The following ARHGAP31 variants were observed in gnomAD, a reference collection of about 807,000 sequenced individuals.
ARHGAP31 encodes the protein Rho GTPase activating protein 31, also known as rho GTPase-activating protein 31.
ARHGAP31 carries 34 observed loss-of-function variants against 113.9 expected under a neutral mutation model. That is an observed-to-expected ratio of 0.30 (90% confidence interval 0.23 to 0.40). The LOEUF is 0.40. Among genes scored for constraint, ARHGAP31 ranks in the 10% least tolerant of loss-of-function variants. The pLI, the probability that ARHGAP31 is intolerant of heterozygous loss-of-function variation, is 1.00. For missense variants in ARHGAP31, 1,548 were observed against 1,767.1 expected (o/e 0.88, Z 2.22); for synonymous variants, 650 against 684.8 (o/e 0.95, Z 0.79).
At chr3:119,368,870 C>G (rs2080272130) in intron 3 of ARHGAP31, among the ~76,000 whole-genome samples, 1 of 152,192 alleles carries the variant, frequency 6.6e-6, no homozygotes, top group South Asian at 2.1e-4. Flanking sequence ...TGAGACTCCT[C>G]ATGCTACACC....
chr3:119,415,808 C>T lies in ARHGAP31; in HGVS notation c.3879C>T (p.Gly1293=), dbSNP rs1170193580. The T allele has an allele frequency of 1.9e-6, 3 of 1,614,266 alleles. No homozygotes were observed. The highest frequency in any genetic ancestry group is 2.2e-5 in the East Asian group (1 of 44,892). ...CEGPTLSPEP[G]SSNLLSTQDA... is the part of the protein sequence containing the mutation. Reference sequence around the variant, plus strand: ...GACCTACCCTTTCTCCAGAACCAGGCTCGTCTAACCTGCTCTCCACCCAGG... The same window carrying T: ...GACCTACCCTTTCTCCAGAACCAGGTTCGTCTAACCTGCTCTCCACCCAGG... Residue 1293 remains glycine, a synonymous_variant, in exon 12 of 12, where the codon GGC becomes GGT. Transcript: ENST00000264245.
intron 1 of ARHGAP31, among the ~76,000 whole-genome samples, chr3:119,337,031 CCA>C (rs1182871364): frequency 6.6e-6 from 1 of 152,172 alleles, no homozygotes; most frequent in Non-Finnish European, 1.5e-5. Context: ...TATGGATATA[CCA>C]CAGTTTATCC....
intron 1 of ARHGAP31, among the ~76,000 whole-genome samples, chr3:119,323,846 C>T (rs1004762629): frequency 6.6e-6 from 1 of 152,214 alleles, no homozygotes; most frequent in Non-Finnish European, 1.5e-5. Flanking sequence ...TTTTGTCCTT[C>T]CCTCCTCGCA....
chr3:119,417,968 T>G lies in ARHGAP31; in HGVS notation c.*1704T>G, dbSNP rs2080792640. On this transcript the variant is annotated 3_prime_UTR_variant, in exon 12 of 12. Coordinates refer to ENST00000264245, the MANE Select transcript of ARHGAP31 (RefSeq NM_020754.4). ...GGGCTTAGTGGGGGCTGAGATGAAG[T>G]TACCTCCTCCAATGAGAAATTGGGA... is the stretch of plus-strand genomic sequence containing the variant. The G allele has an allele frequency of 6.6e-6, 1 of 152,052 alleles. No homozygotes were observed. Among genetic ancestry groups the G allele is most frequent in the Non-Finnish European group, 1.5e-5 (1 of 68,066 alleles). The allele number at this position is 152,052 out of a possible 1,614,324, so 9.4% of individuals were successfully genotyped here.
Position 119,414,195 on chromosome 3 carries a change from G to C in ARHGAP31, c.2266G>C (p.Glu756Gln), listed in dbSNP as rs767047698. 4 of 1,614,016 alleles carry C rather than the reference G, an allele frequency of 2.5e-6. No individual in the cohort carries two copies. Among genetic ancestry groups the C allele is most frequent in the Non-Finnish European group, 3.4e-6 (4 of 1,180,026 alleles). ...HPDLASLAPL[E>Q]IVPFEKASPQ... ...AGACCTCGCCAGCCTGGCTCCTCTG[G>C]AAATAGTTCCTTTTGAGAAGGCATC... Residue 756 changes from glutamate to glutamine, a missense_variant, in exon 12 of 12, where the codon GAA (glutamate) becomes CAA (glutamine). Coordinates refer to ENST00000264245, the MANE Select transcript of ARHGAP31 (RefSeq NM_020754.4).
chr3:119,339,618 A>G (rs1242679329), intron 1 of ARHGAP31, among the ~76,000 whole-genome samples: 1 of 152,164 alleles, frequency 6.6e-6, no homozygotes, highest in Non-Finnish European at 1.5e-5. Flanking sequence ...CTCCGACCCC[A>G]CACAAGTACA....
chr3:119,326,438 T>C (rs1438793002), intron 1 of ARHGAP31, among the ~76,000 whole-genome samples: 1 of 152,082 alleles, frequency 6.6e-6, no homozygotes, highest in Non-Finnish European at 1.5e-5. Context: ...AGAACAAGTC[T>C]GGGTGGGCTT....
Position 119,416,295 on chromosome 3 carries a change from A to G in ARHGAP31, c.*31A>G. 1 of 1,610,192 alleles carries G rather than the reference A, an allele frequency of 6.2e-7. No individual in the cohort carries two copies. ...GTTCACCTGCTGGTGTCTGAAAAAAACCGTGATTCATCTGGAAGTTATTAC... is the reference window on the plus strand; with the variant it reads ...GTTCACCTGCTGGTGTCTGAAAAAAGCCGTGATTCATCTGGAAGTTATTAC... On this transcript the variant is annotated 3_prime_UTR_variant, in exon 12 of 12. Transcript: ENST00000264245.
chr3:119,395,673 CTG>C (rs2080544886), intron 8 of ARHGAP31, among the ~76,000 whole-genome samples: 1 of 152,180 alleles, frequency 6.6e-6, no homozygotes, highest in Non-Finnish European at 1.5e-5. Flanking sequence ...GGTTCGGTCC[CTG>C]TTGTCAATGG....
Position 119,340,169 on chromosome 3 carries a change from TTCA to T in ARHGAP31, c.101-25137_101-25135del, listed in dbSNP as rs1452031220. On this transcript the variant is annotated intron_variant, in intron 1 of 11. Coordinates refer to ENST00000264245, the MANE Select transcript of ARHGAP31 (RefSeq NM_020754.4). ...CAAATGGTAAGCACACAAAAAGATG[TTCA>T]TCATCATCAGCCACTAGGGAAATGC... Among the ~76,000 whole-genome samples the T allele has an allele frequency of 2.6e-5, 4 of 152,312 alleles. No individual in the cohort carries two copies. In the South Asian group the frequency reaches 6.2e-4, roughly 24 times the overall value.
At chr3:119,336,169 T>C (rs2079944816) in intron 1 of ARHGAP31, among the ~76,000 whole-genome samples, 1 of 152,156 alleles carries the variant, frequency 6.6e-6, no homozygotes, top group Non-Finnish European at 1.5e-5. Context: ...GAGTGAAACT[T>C]GGTCTCAAAA....
intron 1 of ARHGAP31, among the ~76,000 whole-genome samples, chr3:119,350,232 G>T (rs2080099147): frequency 6.6e-6 from 1 of 151,966 alleles, no homozygotes; most frequent in Admixed American, 6.6e-5. Context: ...AACAGGAAGC[G>T]CTGGGAGGCC....
chr3:119,300,188 A>G (rs2079568911), intron 1 of ARHGAP31, among the ~76,000 whole-genome samples: 2 of 152,242 alleles, frequency 1.3e-5, no homozygotes, highest in Admixed American at 6.5e-5. Flanking sequence ...ATGAAATGAT[A>G]ATAAGATTGA....
At chr3:119,387,996 G>A (rs1393627079) in intron 6 of ARHGAP31, among the ~76,000 whole-genome samples, 2 of 152,140 alleles carry the variant, frequency 1.3e-5, no homozygotes, top group African/African-American at 4.8e-5. Flanking sequence ...AGGCATGTGA[G>A]GATCTATGAG....
intron 2 of ARHGAP31, 46 bp from the exon 3 acceptor site, chr3:119,368,324 GAA>G (rs1488212397): frequency 1.9e-6 from 3 of 1,612,390 alleles, no homozygotes; most frequent in Non-Finnish European, 2.5e-6. Context: ...TGCTGACATG[GAA>G]CACACACTCC....
rs1387107071 is a variant in ARHGAP31 at position 119,418,408 on chromosome 3, AGGT to A, written c.*2145_*2147del. ...TGCCTTATCAGAAAATGTGTCAGAC[AGGT>A]TTTATGTCAGCCTCAGTGCTCCTGC... On this transcript the variant is annotated 3_prime_UTR_variant, in exon 12 of 12. Coordinates refer to ENST00000264245, the MANE Select transcript of ARHGAP31 (RefSeq NM_020754.4). 6.6e-6 allele frequency: 1 copy of A among 152,252 alleles called. No individual in the cohort carries two copies. Among genetic ancestry groups the A allele is most frequent in the Non-Finnish European group, 1.5e-5 (1 of 68,052 alleles). 9.4% of individuals were successfully genotyped at this position (152,252 alleles called of 1,614,324 possible).
chr3:119,295,452 C>G (rs1388201443), intron 1 of ARHGAP31, among the ~76,000 whole-genome samples: 1 of 126,942 alleles, frequency 7.9e-6, no homozygotes, highest in Non-Finnish European at 1.5e-5. Context: ...CTGCTCACAT[C>G]TTTTTTTATT....
intron 1 of ARHGAP31, among the ~76,000 whole-genome samples, chr3:119,345,469 C>T (rs1255617522): frequency 1.3e-5 from 2 of 152,026 alleles, no homozygotes. Context: ...GGCTTTGAAC[C>T]GAGGCAGAAT....
Position 119,402,266 on chromosome 3 carries a change from A to G in ARHGAP31, c.1514A>G (p.Asn505Ser). 6.2e-7 allele frequency: 1 copy of G among 1,614,226 alleles called. No homozygotes were observed. The change falls in exon 10 of 12, where the codon AAC (asparagine) becomes AGC (serine). Residue 505 changes from asparagine to serine, a missense_variant. Coordinates refer to ENST00000264245, the MANE Select transcript of ARHGAP31 (RefSeq NM_020754.4). ...CGCGTGTCCGCAGTCATCAGCACCA[A>G]CAGCACGCCGTGCAGAACACCCCCG... is the stretch of plus-strand genomic sequence containing the variant. ...PLRVSAVIST[N>S]STPCRTPPKE...
Sources: allele counts gnomAD v4.1 joint callset (sites outside exome capture counted in the v4.1 genomes callset), GRCh38; gene constraint gnomAD v4.1.1; transcripts MANE v1.5; gene names NCBI Gene and HGNC (gene_info 2026-07-23, HGNC 2026-07-21).